PRDM5: variants seen among roughly 807,000 people sequenced by gnomAD.
PRDM5 encodes the protein PR/SET domain 5.
PRDM5 carries 56 observed loss-of-function variants against 81.2 expected under a neutral mutation model. That is an observed-to-expected ratio of 0.69 (90% CI 0.56 to 0.86). The LOEUF (loss-of-function observed/expected upper bound fraction) is 0.86, where lower values mean the gene tolerates loss of function less well. PRDM5 is among the 40% of genes least tolerant of loss of function. The pLI is 0.00. For synonymous variants in PRDM5, 267 were observed against 256.4 expected (o/e 1.04, Z -0.39); for missense variants, 697 against 770.1 (o/e 0.91, Z 1.12).
intron 2 of PRDM5, among the ~76,000 whole-genome samples, chr4:120,871,566 A>C (rs1187015226): frequency 6.6e-6 from 1 of 152,180 alleles, no homozygotes; most frequent in Non-Finnish European, 1.5e-5. Context: ...TGCTAACCAA[A>C]ATGTCCGTAT....
rs1561381532 is a variant in PRDM5 at position 120,821,343 on chromosome 4, T to C, written c.303A>G (p.Glu101=). The C allele has an allele frequency of 6.2e-7, 1 of 1,613,466 alleles. No individual in the cohort carries two copies. Among genetic ancestry groups the C allele is most frequent in the African/African-American group, 1.3e-5 (1 of 75,042 alleles). The part of the protein sequence containing the change: ...QEQKNLAAIQ[E]GENIFYLAVE... ...CTGCCAAATAGAAAATGTTTTCTCCTTCCTGAAACAAATTTTTTTAAATGC... is the reference window on the plus strand; with the variant it reads ...CTGCCAAATAGAAAATGTTTTCTCCCTCCTGAAACAAATTTTTTTAAATGC... Residue 101 remains glutamate (E), a splice_region_variant and synonymous_variant, in exon 4 of 16, where the codon GAA becomes GAG. Transcript: ENST00000264808.
At chr4:120,822,545 A>G (rs1042718361) in intron 3 of PRDM5, among the ~76,000 whole-genome samples, 1 of 152,208 alleles carries the variant, frequency 6.6e-6, no homozygotes, top group African/African-American at 2.4e-5. Context: ...GTATGCATGC[A>G]TAGATTTATG....
At chr4:120,799,139 T>C (rs1751762281) in intron 9 of PRDM5, among the ~76,000 whole-genome samples, 1 of 152,138 alleles carries the variant, frequency 6.6e-6, no homozygotes. Flanking sequence ...AAAACAGAGC[T>C]ATTCATAAGA....
Position 120,816,458 on chromosome 4 carries a change from T to G in PRDM5, c.860A>C (p.His287Pro). 6.2e-7 allele frequency: 1 copy of G among 1,614,170 alleles called. No individual in the cohort carries two copies. The highest frequency in any genetic ancestry group is 8.5e-7 in the Non-Finnish European group (1 of 1,180,020). The change falls in exon 7 of 16, where the codon CAC becomes CCC. Residue 287 changes from histidine (H) to proline (P), a missense_variant. By Grantham distance (77) the His-to-Pro change is moderately conservative (BLOSUM62 -2). Around this residue, in one of 3 missense-constraint regions of PRDM5, gnomAD observed 577 missense variants for 606.7 expected, o/e 0.95. Coordinates refer to ENST00000264808, the MANE Select transcript of PRDM5 (RefSeq NM_018699.4). ...DALKRHQENV[H>P]TGDPKKKLIC... is the part of the protein sequence containing the mutation. The stretch of plus-strand genomic sequence containing the variant: ...ACCCTCCAACGACTCCTCACCAGTG[T>G]GGACATTTTCCTGGTGTCTTTTCAG...
intron 2 of PRDM5, among the ~76,000 whole-genome samples, chr4:120,886,385 C>T: frequency 6.6e-6 from 1 of 152,212 alleles, no homozygotes; most frequent in East Asian, 1.9e-4. Flanking sequence ...AAGTTCCCAA[C>T]AGCAGGACAG....
chr4:120,880,613 T>C lies in PRDM5; in HGVS notation c.177+26861A>G, dbSNP rs557858869. On this transcript the variant is annotated intron_variant, in intron 2 of 15. Coordinates refer to ENST00000264808, the MANE Select transcript of PRDM5 (RefSeq NM_018699.4). ...TTGTATTTTATACCTACAGCACATG[T>C]CAACTCATATACTACATTTTCGTCA... Among the ~76,000 whole-genome samples the C allele has an allele frequency of 3.6e-4, 55 of 152,280 alleles. 2 individuals are homozygous for C. In the South Asian group the frequency reaches 0.011, roughly 30 times the overall value.
intron 10 of PRDM5, among the ~76,000 whole-genome samples, chr4:120,791,101 G>A (rs371695368): frequency 3.3e-5 from 5 of 152,286 alleles, no homozygotes; most frequent in African/African-American, 9.6e-5. Context: ...ACTGTTAAGA[G>A]AAAGTAGAGC....
intron 14 of PRDM5, among the ~76,000 whole-genome samples, chr4:120,728,096 C>T (rs543162281): frequency 3.3e-5 from 5 of 152,104 alleles, no homozygotes; most frequent in African/African-American, 7.2e-5. Context: ...GAAAGGCTTC[C>T]GGTCTCATTG....
intron 3 of PRDM5, among the ~76,000 whole-genome samples, chr4:120,830,654 T>C (rs1249560982): frequency 6.6e-6 from 1 of 152,058 alleles, no homozygotes; most frequent in East Asian, 1.9e-4. Context: ...ATGACAGATG[T>C]ATTCAAAACA....
chr4:120,838,888 C>T (rs531771932), intron 3 of PRDM5: 4 of 293,728 alleles, frequency 1.4e-5, no homozygotes, highest in Non-Finnish European at 2.6e-5. Context: ...CATGGAGCGG[C>T]AAGGGGTGTG....
At chr4:120,893,289 C>G (rs1764262279) in intron 2 of PRDM5, among the ~76,000 whole-genome samples, 1 of 152,212 alleles carries the variant, frequency 6.6e-6, no homozygotes, top group South Asian at 2.1e-4. Flanking sequence ...CCTAGACAGA[C>G]TGGTGTCCAG....
At position 120,853,490 on chromosome 4, in the gene PRDM5, T is replaced by C; in HGVS notation, c.228A>G (p.Pro76=). 2 of 1,613,760 alleles carry C rather than the reference T, an allele frequency of 1.2e-6. No homozygotes were observed. Among genetic ancestry groups the C allele is most frequent in the Non-Finnish European group, 1.7e-6 (2 of 1,179,742 alleles). Residue 76 remains proline, a synonymous_variant, in exon 3 of 16, where the codon CCA becomes CCG. Coordinates refer to ENST00000264808, the MANE Select transcript of PRDM5 (RefSeq NM_018699.4). ...CGAAGCGAAGCCAGTTGGAGTGCCG[T>C]GGGTTGGTAGCATCCAAAATGTACA... is the stretch of plus-strand genomic sequence containing the variant. ...EVLYILDATN[P]RHSNWLRFVH...
At chr4:120,761,502 C>T (rs59788809) in intron 13 of PRDM5, among the ~76,000 whole-genome samples, 4,993 of 152,122 alleles carry the variant, frequency 0.033, 274 homozygotes, top group African/African-American at 0.11. Flanking sequence ...TAATTAAAGA[C>T]GTCAGAAGAA....
In PRDM5 at chr4:120,709,736, A is replaced by G. The variant is rs983936579; in HGVS notation, c.1728+573T>C. 3.3e-5 allele frequency among the ~76,000 whole-genome samples: 5 copies of G among 152,186 alleles called. No individual in the cohort carries two copies. The East Asian group carries it at 9.6e-4, about 29-fold the overall frequency. The stretch of plus-strand genomic sequence containing the variant: ...TTTTCCCCTAAATTGATCAATATTC[A>G]GATTAATTTTACTGTCAACAGTAGT... On this transcript the variant is annotated intron_variant, in intron 15 of 15. Coordinates refer to ENST00000264808, the MANE Select transcript of PRDM5 (RefSeq NM_018699.4).
intron 15 of PRDM5, among the ~76,000 whole-genome samples, chr4:120,697,468 T>G (rs1734654317): frequency 6.6e-6 from 1 of 152,116 alleles, no homozygotes; most frequent in South Asian, 2.1e-4. Context: ...ATATTCATTT[T>G]GATATAATCA....
At chr4:120,870,996 C>T (rs188009912) in intron 2 of PRDM5, among the ~76,000 whole-genome samples, 57 of 152,222 alleles carry the variant, frequency 3.7e-4, no homozygotes, top group Non-Finnish European at 6.0e-4. Flanking sequence ...CCAGATTTCC[C>T]CTCCAGTAGA....
chr4:120,795,678 C>T (rs184919844), intron 10 of PRDM5, among the ~76,000 whole-genome samples: 60 of 152,054 alleles, frequency 3.9e-4, no homozygotes, highest in Middle Eastern at 3.4e-3. Flanking sequence ...TTTGGGAGGC[C>T]GAGGTAGGCA....
At chr4:120,794,340 T>A (rs1330814697) in intron 10 of PRDM5, among the ~76,000 whole-genome samples, 1 of 152,138 alleles carries the variant, frequency 6.6e-6, no homozygotes, top group Non-Finnish European at 1.5e-5. Context: ...CTTTTTTTTT[T>A]ACTATGTTAA....
chr4:120,792,259 A>G (rs1006465392), intron 10 of PRDM5, among the ~76,000 whole-genome samples: 4 of 152,358 alleles, frequency 2.6e-5, no homozygotes, highest in South Asian at 2.1e-4. Flanking sequence ...TGTACAAATA[A>G]TGAGTACAGT....
Sources: allele counts gnomAD v4.1 joint callset (sites outside exome capture counted in the v4.1 genomes callset), GRCh38; gene constraint gnomAD v4.1.1; regional missense constraint gnomAD v4.1.1; transcripts MANE v1.5; gene names NCBI Gene and HGNC (gene_info 2026-07-23, HGNC 2026-07-21).